GUCY1A1: variants seen among roughly 807,000 people sequenced by gnomAD.
GUCY1A1 encodes the protein guanylate cyclase soluble subunit alpha-1.
A neutral mutation model predicts 64.5 loss-of-function variants in GUCY1A1; 48 were observed. The ratio of observed to expected loss-of-function variants is 0.74; its 90% CI spans 0.59 to 0.95. GUCY1A1 has a LOEUF of 0.95. Ranked by LOEUF, GUCY1A1 falls within the 40% of genes least tolerant of loss-of-function variation. The pLI, the probability that GUCY1A1 is intolerant of heterozygous loss-of-function variation, is 0.00. For missense variants in GUCY1A1, 804 were observed against 825.3 expected, an observed-to-expected ratio of 0.97 and a Z score of 0.32; for synonymous variants, 308 against 303.4, an observed-to-expected ratio of 1.02 and a Z score of -0.16.
At chr4:155,729,991 A>G in intron 9 of GUCY1A1, 39 bp from the exon 10 acceptor site, 1 of 1,248,650 alleles carries the variant, frequency 8.0e-7, no homozygotes, top group Non-Finnish European at 1.2e-6. Context: ...TTTTGAGTGG[A>G]CAAACATTTA....
intron 4 of GUCY1A1, among the ~76,000 whole-genome samples, chr4:155,705,724 A>C (rs919933378): frequency 3.3e-5 from 5 of 152,120 alleles, no homozygotes; most frequent in African/African-American, 1.2e-4. Context: ...TCTCCTACTC[A>C]TGAGTGATCA....
At chr4:155,701,385 AG>A (rs1731065549) in intron 3 of GUCY1A1, among the ~76,000 whole-genome samples, 1 of 152,178 alleles carries the variant, frequency 6.6e-6, no homozygotes, top group Admixed American at 6.5e-5. Flanking sequence ...AGCAATTGGA[AG>A]GGGACCATTT....
rs574186937 is a variant in GUCY1A1 at position 155,731,134 on chromosome 4, A to G, written c.*903A>G. 6.6e-6 allele frequency: 1 copy of G among 152,654 alleles called. No individual in the cohort carries two copies. The highest frequency in any genetic ancestry group is 1.5e-5 in the Non-Finnish European group (1 of 67,846). 9.5% of individuals were successfully genotyped at this position (152,654 alleles called of 1,614,324 possible). On this transcript the variant is annotated 3_prime_UTR_variant, in exon 10 of 10. Coordinates refer to ENST00000506455, the MANE Select transcript of GUCY1A1 (RefSeq NM_001130682.3). ...ATCCAGGGGACCCACCATAAAGGAC[A>G]TTGGTAAAACATTTACACACGTAAA...
intron 2 of GUCY1A1, among the ~76,000 whole-genome samples, chr4:155,668,473 G>A (rs1033329422): frequency 5.9e-5 from 9 of 152,106 alleles, no homozygotes; most frequent in Admixed American, 3.9e-4. Flanking sequence ...TTTAGGATCA[G>A]TTCTCCTATG....
intron 5 of GUCY1A1, 62 bp from the exon 6 acceptor site, chr4:155,710,480 A>G: frequency 2.1e-6 from 2 of 972,678 alleles, no homozygotes; most frequent in South Asian, 1.6e-5. Flanking sequence ...AATAGGAATA[A>G]TGGCACAGCT....
At chr4:155,687,827 T>G (rs1324346570) in intron 2 of GUCY1A1, among the ~76,000 whole-genome samples, 1 of 152,138 alleles carries the variant, frequency 6.6e-6, no homozygotes, top group Non-Finnish European at 1.5e-5. Context: ...AGGGAACAAC[T>G]GGGCATGGCA....
At position 155,701,802 on chromosome 4, in the gene GUCY1A1, C is replaced by CAA. The variant is rs34761852; in HGVS notation, c.256-2115_256-2114dup. Among the ~76,000 whole-genome samples, 820 of 99,580 alleles carry CAA rather than the reference C, an allele frequency of 8.2e-3. 12 individuals carry two copies. Among genetic ancestry groups the CAA allele is most frequent in the African/African-American group, 0.029 (760 of 26,476 alleles). 65.3% of individuals were successfully genotyped at this position (99,580 alleles called of 152,430 possible). A position where few individuals can be genotyped will look rare whatever the true frequency, so the allele number is the denominator to read the frequency against. On this transcript the variant is annotated intron_variant, in intron 3 of 9. Coordinates refer to ENST00000506455, the MANE Select transcript of GUCY1A1 (RefSeq NM_001130682.3). ...GGATGACAGAGCAAAACTCTATATCCAAAAAAAAAAAAAAAAGAAGTTCCT... is the reference window on the plus strand; with the variant it reads ...GGATGACAGAGCAAAACTCTATATCCAAAAAAAAAAAAAAAAAAGAAGTTCCT...
At chr4:155,702,418 C>G (rs1395241358) in intron 3 of GUCY1A1, among the ~76,000 whole-genome samples, 2 of 152,122 alleles carry the variant, frequency 1.3e-5, no homozygotes, top group East Asian at 3.9e-4. Context: ...GGCTGATTTA[C>G]TTCATGTATA....
intron 2 of GUCY1A1, among the ~76,000 whole-genome samples, chr4:155,670,357 T>C (rs1733975982): frequency 6.6e-6 from 1 of 152,238 alleles, no homozygotes; most frequent in Non-Finnish European, 1.5e-5. Context: ...CTTGACTTGA[T>C]ATAAGAAGAG....
intron 9 of GUCY1A1, among the ~76,000 whole-genome samples, chr4:155,727,779 A>G (rs1560971106): frequency 6.6e-6 from 1 of 151,602 alleles, no homozygotes; most frequent in East Asian, 1.9e-4. Flanking sequence ...AAAAAATAAA[A>G]TGTAAAGTAA....
chr4:155,679,842 A>G (rs183206478), intron 2 of GUCY1A1, among the ~76,000 whole-genome samples: 23 of 152,212 alleles, frequency 1.5e-4, no homozygotes, highest in Non-Finnish European at 3.2e-4. Flanking sequence ...ACAAACAAAC[A>G]TATTTTCTTT....
rs774571126 is a variant in GUCY1A1, at chr4:155,708,262, A to G, written c.344A>G (p.Glu115Gly). The G allele has an allele frequency of 3.9e-6, 6 of 1,554,466 alleles. No individual in the cohort carries two copies. Among genetic ancestry groups the G allele is most frequent in the Non-Finnish European group, 5.3e-6 (6 of 1,126,602 alleles). The stretch of plus-strand genomic sequence containing the variant: ...AAATCTTTGGAAAGAGAAGACTTTG[A>G]AAAAACAATTGCAGAGCAAGCAGTT... ...SRKSLEREDF[E>G]KTIAEQAVAA... Residue 115 changes from glutamate (E) to glycine (G), a missense_variant, in exon 5 of 10, where the codon GAA becomes GGA. By Grantham distance (98) the Glu-to-Gly change is moderately conservative. Transcript: ENST00000506455.
Position 155,732,047 on chromosome 4 carries a change from G to A in GUCY1A1, c.*1816G>A, listed in dbSNP as rs1305416203. 2 of 151,572 alleles carry A rather than the reference G, an allele frequency of 1.3e-5. No individual in the cohort carries two copies. The highest frequency in any genetic ancestry group is 2.4e-5 in the African/African-American group (1 of 41,278). The allele number at this position is 151,572 out of a possible 1,614,324, so 9.4% of individuals were successfully genotyped here. A position where few individuals can be genotyped will look rare whatever the true frequency, so the allele number is the denominator to read the frequency against. ...TAAATACATTTTTCTTTCTGGAACCGAACTCTTATTATGGGGAAATAATAG... is the reference window on the plus strand; with the variant it reads ...TAAATACATTTTTCTTTCTGGAACCAAACTCTTATTATGGGGAAATAATAG... On this transcript the variant is annotated 3_prime_UTR_variant, in exon 10 of 10. Coordinates refer to ENST00000506455, the MANE Select transcript of GUCY1A1 (RefSeq NM_001130682.3).
intron 2 of GUCY1A1, among the ~76,000 whole-genome samples, chr4:155,677,217 A>G (rs991124203): frequency 2.6e-5 from 4 of 152,232 alleles, no homozygotes; most frequent in African/African-American, 9.6e-5. Flanking sequence ...GAAAGATTCT[A>G]AGGGAAGATT....
intron 6 of GUCY1A1, chr4:155,711,458 T>C (rs1732563774): frequency 2.5e-6 from 1 of 405,310 alleles, no homozygotes; most frequent in Admixed American, 4.1e-5. Flanking sequence ...CCAAAAATAT[T>C]TATTGAATGC....
At chr4:155,709,438 A>T (rs1732247012) in intron 5 of GUCY1A1, among the ~76,000 whole-genome samples, 1 of 152,206 alleles carries the variant, frequency 6.6e-6, no homozygotes, top group African/African-American at 2.4e-5. Flanking sequence ...ATATTAATTA[A>T]GCATACTATT....
In GUCY1A1 at chr4:155,710,900, C is replaced by G. The variant is rs1045882880; in HGVS notation, c.735C>G (p.Ser245Arg). The change falls in exon 6 of 10, where the codon AGC (serine) becomes AGG (arginine). Residue 245 changes from serine (S) to arginine (R), a missense_variant. Physicochemically the swap from Ser to Arg is moderately radical, Grantham distance 110. Transcript: ENST00000506455. ...LMPPCFHNDC[S>R]EFVNQPYLLY... Reference sequence around the variant, plus strand: ...CTCCCTGCTTCCATAATGATTGCAGCGAGTTTGTGAATCAGCCCTACTTGT... The same window carrying G: ...CTCCCTGCTTCCATAATGATTGCAGGGAGTTTGTGAATCAGCCCTACTTGT... 1.9e-6 allele frequency: 3 copies of G among 1,613,532 alleles called. No individual in the cohort carries two copies. In the African/African-American group the frequency reaches 4.0e-5, roughly 22 times the overall value.
intron 5 of GUCY1A1, 83 bp from the exon 6 acceptor site, chr4:155,710,459 C>T (rs1732411156): frequency 1.4e-5 from 12 of 840,494 alleles, no homozygotes; most frequent in Admixed American, 9.4e-5. Flanking sequence ...CAGCAAATAA[C>T]GCAAGTTGAA....
intron 3 of GUCY1A1, among the ~76,000 whole-genome samples, chr4:155,703,132 ATAAAT>A (rs1338078595): frequency 6.6e-6 from 1 of 152,162 alleles, no homozygotes; most frequent in Non-Finnish European, 1.5e-5. Flanking sequence ...AGCTGTTAAG[ATAAAT>A]TAATAGCTAC....
Sources: allele counts gnomAD v4.1 joint callset (sites outside exome capture counted in the v4.1 genomes callset), GRCh38; gene constraint gnomAD v4.1.1; transcripts MANE v1.5; gene names NCBI Gene and HGNC (gene_info 2026-07-23, HGNC 2026-07-21).